Variants in SPINK5 observed in about 807,000 individuals in gnomAD.
SPINK5 encodes serine protease inhibitor Kazal-type 5.
Under a neutral mutation model 151.8 loss-of-function variants are expected in SPINK5, and 125 were observed. The ratio of observed to expected loss-of-function variants is 0.82; its 90% CI spans 0.71 to 0.96. The LOEUF (loss-of-function observed/expected upper bound fraction) is 0.96, where lower values mean the gene tolerates loss of function less well. Ranked by LOEUF, SPINK5 falls within the 40% of genes least tolerant of loss-of-function variation. The pLI, the probability that SPINK5 is intolerant of heterozygous loss-of-function variation, is 0.00. For synonymous variants in SPINK5, 374 were observed against 395.3 expected, an observed-to-expected ratio of 0.95 and a Z score of 0.64; for missense variants, 1,194 against 1,291.9, an observed-to-expected ratio of 0.92 and a Z score of 1.16.
At chr5:148,115,475 T>C (rs1387982044) in intron 21 of SPINK5, among the ~76,000 whole-genome samples, 2 of 152,094 alleles carry the variant, frequency 1.3e-5, no homozygotes, top group Non-Finnish European at 2.9e-5. Context: ...ACTTAAGAAT[T>C]GCTACTCATG....
chr5:148,067,051 T>C (rs1400196362), intron 2 of SPINK5, among the ~76,000 whole-genome samples: 2 of 152,220 alleles, frequency 1.3e-5, no homozygotes, highest in African/African-American at 4.8e-5. Flanking sequence ...GATAAAAGCA[T>C]GTTAAATGTC....
At chr5:148,065,211 T>C in intron 1 of SPINK5, 136 bp from the exon 2 acceptor site, 2 of 831,668 alleles carry the variant, frequency 2.4e-6, no homozygotes, top group Admixed American at 4.2e-5. Flanking sequence ...TAAATCTTAA[T>C]GTGTTCAAAA....
chr5:148,100,303 T>A (rs1028793073), intron 12 of SPINK5, 151 bp from the exon 13 acceptor site: 1 of 833,200 alleles, frequency 1.2e-6, no homozygotes, highest in Non-Finnish European at 1.9e-6. Flanking sequence ...TTTTTCTTGT[T>A]GTCAAATTGA....
chr5:148,088,501 T>C (rs748373697), intron 5 of SPINK5, 41 bp from the exon 6 acceptor site: 20 of 1,581,274 alleles, frequency 1.3e-5, no homozygotes, highest in Non-Finnish European at 1.7e-5. Flanking sequence ...TGGGAAGTTC[T>C]GTGATATTAA....
chr5:148,101,575 A>G, intron 14 of SPINK5, 139 bp downstream of exon 14: 4 of 1,003,934 alleles, frequency 4.0e-6, no homozygotes, highest in Non-Finnish European at 6.2e-6. Flanking sequence ...TCATGTGTGC[A>G]GTTATACATG....
chr5:148,118,557 G>T lies in SPINK5; in HGVS notation c.2233G>T (p.Ala745Ser). Residue 745 changes from alanine to serine, a missense_variant, in exon 23 of 33, where the codon GCA (alanine) becomes TCA (serine). Physicochemically the swap from Ala to Ser is moderately conservative, Grantham distance 99 (BLOSUM62 1). Coordinates refer to ENST00000256084, the MANE Select transcript of SPINK5 (RefSeq NM_006846.4). ...CAACAATCAGTGTACCATGTGTAAA[G>T]CAAAATTGTAAGTATTTCTCTCAAC... ...SYNNQCTMCK[A>S]KLEREAERKN... 6.2e-7 allele frequency: 1 copy of T among 1,614,098 alleles called. No homozygotes were observed.
At chr5:148,116,730 T>G (rs1408687055) in intron 22 of SPINK5, among the ~76,000 whole-genome samples, 1 of 152,234 alleles carries the variant, frequency 6.6e-6, no homozygotes, top group Non-Finnish European at 1.5e-5. Flanking sequence ...AATCTAGACC[T>G]CATATCAATA....
At chr5:148,079,033 TC>T (rs1752954616) in intron 4 of SPINK5, among the ~76,000 whole-genome samples, 1 of 151,044 alleles carries the variant, frequency 6.6e-6, no homozygotes, top group Non-Finnish European at 1.5e-5. Flanking sequence ...AGTTTTATTT[TC>T]CCTTCAAGAA....
intron 27 of SPINK5, 27 bp from the exon 28 acceptor site, chr5:148,124,738 C>G (rs561949236): frequency 3.4e-6 from 5 of 1,458,554 alleles, no homozygotes; most frequent in Non-Finnish European, 3.7e-6. Context: ...AAAAATTACC[C>G]TATCTTTTTT....
intron 26 of SPINK5, among the ~76,000 whole-genome samples, chr5:148,123,408 A>ATT (rs1236302490): frequency 2.1e-3 from 88 of 41,874 alleles, no homozygotes; most frequent in Middle Eastern, 0.02. Context: ...AGATAGATAT[A>ATT]ATATATTATA....
intron 30 of SPINK5, among the ~76,000 whole-genome samples, chr5:148,130,354 G>T (rs1754540405): frequency 6.6e-6 from 1 of 151,636 alleles, no homozygotes; most frequent in African/African-American, 2.4e-5. Context: ...TTATATAGTT[G>T]ATTCTTTTTG....
chr5:148,083,540 C>T (rs955543355), intron 4 of SPINK5, among the ~76,000 whole-genome samples: 1 of 151,078 alleles, frequency 6.6e-6, no homozygotes, highest in African/African-American at 2.4e-5. Flanking sequence ...TATGACTATC[C>T]CTAAACAAAT....
intron 29 of SPINK5, 109 bp from the exon 30 acceptor site, chr5:148,126,874 G>C: frequency 1.1e-6 from 1 of 939,802 alleles, no homozygotes; most frequent in Non-Finnish European, 1.6e-6. Flanking sequence ...TTACAGGCGT[G>C]AACTACCATG....
intron 18 of SPINK5, 90 bp downstream of exon 18, chr5:148,108,927 T>C: frequency 6.3e-7 from 1 of 1,578,782 alleles, no homozygotes; most frequent in Non-Finnish European, 8.6e-7. Flanking sequence ...CATTCCAGTA[T>C]TCTTAGTTTC....
intron 32 of SPINK5, 22 bp downstream of exon 32, chr5:148,133,909 C>T: frequency 1.2e-6 from 2 of 1,611,900 alleles, no homozygotes; most frequent in Non-Finnish European, 1.7e-6. Flanking sequence ...AGTAGACTGG[C>T]CTCCATGGTT....
intron 21 of SPINK5, among the ~76,000 whole-genome samples, chr5:148,115,823 C>A (rs368047172): frequency 1.4e-5 from 2 of 139,788 alleles, no homozygotes; most frequent in Non-Finnish European, 3.1e-5. Context: ...CTCACCTTGT[C>A]TTTTTTTTTT....
chr5:148,107,258 G>A (rs937830604), intron 17 of SPINK5, 94 bp downstream of exon 17: 4 of 1,445,876 alleles, frequency 2.8e-6, no homozygotes, highest in South Asian at 2.3e-5. Context: ...TATAGACCGT[G>A]AGTTATATAT....
chr5:148,111,389 C>A (rs1051840776), intron 18 of SPINK5, among the ~76,000 whole-genome samples: 5 of 152,050 alleles, frequency 3.3e-5, no homozygotes, highest in African/African-American at 1.2e-4. Flanking sequence ...TCTGAAAAGC[C>A]CTTTTTGCCA....
Position 148,111,894 on chromosome 5 carries a change from T to C in SPINK5, c.1819T>C (p.Phe607Leu). ...CACCTGCTCCATGTGTGAAGCCTTC[T>C]TGTGAGTGGGCGGCAGCCACTGCTG... ...GNTCSMCEAF[F>L]QQEAKEKERA... The change falls in exon 19 of 33, where the codon TTC (phenylalanine) becomes CTC (leucine). Residue 607 changes from phenylalanine to leucine, a missense_variant and splice_region_variant. By Grantham distance (22) the Phe-to-Leu change is conservative. Transcript: ENST00000256084. The C allele has an allele frequency of 5.0e-6, 8 of 1,613,982 alleles. No homozygotes were observed. The highest frequency in any genetic ancestry group is 6.8e-6 in the Non-Finnish European group (8 of 1,179,898).
Sources: allele counts gnomAD v4.1 joint callset (sites outside exome capture counted in the v4.1 genomes callset), GRCh38; gene constraint gnomAD v4.1.1; transcripts MANE v1.5; gene names NCBI Gene and HGNC (gene_info 2026-07-23, HGNC 2026-07-21).